UBR4: variants seen among roughly 807,000 people sequenced by gnomAD.
UBR4 encodes the protein E3 ubiquitin-protein ligase UBR4.
UBR4 carries 124 observed loss-of-function variants against 575.6 expected under a neutral mutation model. The ratio of observed to expected loss-of-function variants is 0.22; its 90% CI spans 0.19 to 0.25. The LOEUF (loss-of-function observed/expected upper bound fraction) is 0.25. Ranked by LOEUF, UBR4 falls within the 10% of genes least tolerant of loss-of-function variation. UBR4 has a pLI of 1.00. For synonymous variants in UBR4, 2,455 were observed against 2,473.7 expected, an observed-to-expected ratio of 0.99 and a Z score of 0.22; for missense variants, 4,818 against 6,478.8, an observed-to-expected ratio of 0.74 and a Z score of 8.80.
At chr1:19,131,253 A>T (rs527859650) in intron 60 of UBR4, among the ~76,000 whole-genome samples, 31 of 137,478 alleles carry the variant, frequency 2.3e-4, no homozygotes, top group Non-Finnish European at 3.7e-4. Flanking sequence ...TAAAAAAAAA[A>T]AAAAAAAAAA....
Position 19,100,120 on chromosome 1 carries a change from CCA to C in UBR4, c.13221+254_13221+255del. The C allele has an allele frequency of 1.9e-6, 1 of 522,440 alleles. No individual in the cohort carries two copies. 32.4% of individuals were successfully genotyped at this position (522,440 alleles called of 1,614,324 possible). On this transcript the variant is annotated intron_variant, in intron 89 of 105. Transcript: ENST00000375254. The surrounding 1 kb of genome is among the most constrained non-coding windows in gnomAD (Gnocchi z 4.2). ...AGGCAATAACGATAATAAATACCCA[CCA>C]CCACTACAACCAACAGCCATTAACA...
At chr1:19,156,190 G>A (rs921294514) in intron 42 of UBR4, 81 bp downstream of exon 42, 1 of 1,544,048 alleles carries the variant, frequency 6.5e-7, no homozygotes, top group Non-Finnish European at 8.7e-7. Context: ...TTTAACTCCT[G>A]GGAGAAGCTA....
intron 60 of UBR4, among the ~76,000 whole-genome samples, chr1:19,133,539 G>A (rs918363394): frequency 6.6e-6 from 1 of 152,080 alleles, no homozygotes; most frequent in Non-Finnish European, 1.5e-5. Context: ...CTTAGCCAAC[G>A]CAATAAGGCA....
intron 11 of UBR4, 134 bp from the exon 12 acceptor site, chr1:19,187,674 G>A (rs1319849311): frequency 1.4e-6 from 1 of 697,686 alleles, no homozygotes. Context: ...AAAAAAAATT[G>A]TACATACATA....
chr1:19,107,003 AG>A, intron 81 of UBR4, 37 bp from the exon 82 acceptor site: 1 of 1,608,388 alleles, frequency 6.2e-7, no homozygotes. Context: ...AGGGCGCTCA[AG>A]GGCACACCTG....
chr1:19,201,812 T>G lies in UBR4; in HGVS notation c.180A>C (p.Glu60Asp). The G allele has an allele frequency of 6.2e-7, 1 of 1,613,756 alleles. No homozygotes were observed. The highest frequency in any genetic ancestry group is 1.1e-5 in the South Asian group (1 of 91,068). ...GCTTCTCATGGTGCAGGATTTCTGA[T>G]TCACTGTAAAAATAATAATAATTCA... ...PQLVASVIESESEILHHEKQY... is the reference protein window; with the variant it reads ...PQLVASVIESDSEILHHEKQY... The change falls in exon 2 of 106, where the codon GAA (glutamate) becomes GAC (aspartate). Residue 60 changes from glutamate (E) to aspartate (D), a missense_variant. Glu to Asp is a conservative substitution (Grantham distance 45). Around this residue, in one of 29 missense-constraint regions of UBR4, gnomAD observed 85 missense variants for 134.2 expected, o/e 0.63. Coordinates refer to ENST00000375254, the MANE Select transcript of UBR4 (RefSeq NM_020765.3).
chr1:19,171,235 C>T (rs1357987955), intron 25 of UBR4, among the ~76,000 whole-genome samples: 1 of 152,176 alleles, frequency 6.6e-6, no homozygotes, highest in Non-Finnish European at 1.5e-5. Context: ...AACTGTTTAT[C>T]CAACATTTTG....
intron 99 of UBR4, among the ~76,000 whole-genome samples, 187 bp from the exon 100 acceptor site, chr1:19,087,008 G>A (rs1201294437): frequency 1.3e-5 from 2 of 152,232 alleles, no homozygotes; most frequent in Non-Finnish European, 2.9e-5. Context: ...TTGGCTGGCC[G>A]CAGCCCTAGT....
At position 19,110,162 on chromosome 1, in the gene UBR4, G is replaced by T. The variant is rs542126960; in HGVS notation, c.12039C>A (p.Thr4013=). ...IKTPVVVENI[T]LMCLRILQKL... ...TCTGCAAGATCCTCAGGCACATGAG[G>T]GTAATGTTTTCAACCACCACAGGAG... The change falls in exon 81 of 106, where the codon ACC becomes ACA. Residue 4013 remains threonine (T), a synonymous_variant. Coordinates refer to ENST00000375254, the MANE Select transcript of UBR4 (RefSeq NM_020765.3). This position sits in a 1 kb window ranked among gnomAD's most constrained non-coding sequence, Gnocchi z 4.5. 34 of 1,614,178 alleles carry T rather than the reference G, an allele frequency of 2.1e-5. No homozygotes were observed. In the South Asian group the frequency reaches 3.4e-4, roughly 16 times the overall value.
intron 58 of UBR4, among the ~76,000 whole-genome samples, 169 bp downstream of exon 58, chr1:19,140,619 G>A (rs2083779806): frequency 6.6e-6 from 1 of 152,220 alleles, no homozygotes; most frequent in Admixed American, 6.5e-5. Context: ...GCGCGGCGGG[G>A]CCGAGCCACA....
intron 22 of UBR4, among the ~76,000 whole-genome samples, 192 bp from the exon 23 acceptor site, chr1:19,173,813 C>T (rs1253059531): frequency 1.3e-5 from 2 of 152,210 alleles, no homozygotes; most frequent in Admixed American, 6.5e-5. Flanking sequence ...TGGCAGAACA[C>T]ACATACAAAT....
chr1:19,106,475 G>T, intron 83 of UBR4, 94 bp downstream of exon 83: 1 of 1,404,632 alleles, frequency 7.1e-7, no homozygotes, highest in Non-Finnish European at 9.4e-7. Flanking sequence ...AAGAAGAGAT[G>T]GCAGTGCAGA....
chr1:19,084,381 G>A, intron 102 of UBR4, 123 bp downstream of exon 102: 2 of 1,033,394 alleles, frequency 1.9e-6, no homozygotes, highest in Non-Finnish European at 2.8e-6. Context: ...CAAAAAGGCT[G>A]CCTTAGGCCA....
chr1:19,116,913 G>T (rs1440017085), intron 73 of UBR4, among the ~76,000 whole-genome samples: 3 of 152,172 alleles, frequency 2.0e-5, no homozygotes, highest in African/African-American at 7.2e-5. Flanking sequence ...CTAGACCTTT[G>T]TGTAAGAATA....
rs772129863 is a variant in UBR4 at position 19,138,191 on chromosome 1, A to G, written c.8732-10T>C. The G allele has an allele frequency of 1.3e-6, 2 of 1,481,792 alleles. No individual in the cohort carries two copies. Among genetic ancestry groups the G allele is most frequent in the Non-Finnish European group, 1.8e-6 (2 of 1,105,370 alleles). 91.8% of individuals were successfully genotyped at this position (1,481,792 alleles called of 1,614,324 possible). A position where few individuals can be genotyped will look rare whatever the true frequency, so the allele number is the denominator to read the frequency against. On this transcript the variant is annotated splice_polypyrimidine_tract_variant and intron_variant, in intron 59 of 105. Coordinates refer to ENST00000375254, the MANE Select transcript of UBR4 (RefSeq NM_020765.3). ...CTGCTCCGGCCAGATACTAGAGGGA[A>G]ATGGTTTAAAAAGCACAAATCAACT... is the stretch of plus-strand genomic sequence containing the variant.
chr1:19,075,120 G>A (rs2075796260), intron 105 of UBR4: 1 of 580,422 alleles, frequency 1.7e-6, no homozygotes, highest in Non-Finnish European at 3.1e-6. Flanking sequence ...AGGTGTTTTT[G>A]TTCTCACATT....
At chr1:19,194,925 C>A (rs1322505146) in intron 8 of UBR4, among the ~76,000 whole-genome samples, 1 of 151,628 alleles carries the variant, frequency 6.6e-6, no homozygotes, top group Non-Finnish European at 1.5e-5. Context: ...CTAGCCTGGG[C>A]AACATAGCAA....
Position 19,110,703 on chromosome 1 carries a change from A to T in UBR4, c.11892+39T>A. 1 of 1,600,906 alleles carries T rather than the reference A, an allele frequency of 6.2e-7. No individual in the cohort carries two copies. Among genetic ancestry groups the T allele is most frequent in the Non-Finnish European group, 8.6e-7 (1 of 1,168,604 alleles). On this transcript the variant is annotated intron_variant, in intron 79 of 105. Coordinates refer to ENST00000375254, the MANE Select transcript of UBR4 (RefSeq NM_020765.3). The surrounding 1 kb of genome is among the most constrained non-coding windows in gnomAD (Gnocchi z 4.5). Reference sequence around the variant, plus strand: ...TGAGAAACACAAGGCATGTGAGGGGAAGTCAGAGAGGACAGCTGGGCCTGC... The same window carrying T: ...TGAGAAACACAAGGCATGTGAGGGGTAGTCAGAGAGGACAGCTGGGCCTGC...
At position 19,106,237 on chromosome 1, in the gene UBR4, T is replaced by C. The variant is rs552203949; in HGVS notation, c.12393+332A>G. On this transcript the variant is annotated intron_variant, in intron 83 of 105. Transcript: ENST00000375254. ...CAATGGACAAATGGATTACCTAACA[T>C]AGAATTACTTTAGCTAGAGAGAGGA... 4.1e-4 allele frequency among the ~76,000 whole-genome samples: 63 copies of C among 152,108 alleles called. No individual in the cohort carries two copies. In the South Asian group the frequency reaches 0.01, roughly 25 times the overall value.
Sources: gnomAD v4.1 joint callset for allele counts (sites outside exome capture counted in the v4.1 genomes callset) on GRCh38, gnomAD v4.1.1 for gene constraint, gnomAD v4.1.1 regional missense constraint, Gnocchi (gnomAD v3.1) non-coding constraint, MANE v1.5 for transcripts, NCBI Gene and HGNC (gene_info 2026-07-23, HGNC 2026-07-21) for gene names.